ZNF385D: variants seen among roughly 807,000 people sequenced by gnomAD.
ZNF385D encodes the protein zinc finger protein 659.
Under a neutral mutation model 35.8 loss-of-function variants are expected in ZNF385D, and 15 were observed. That is an observed-to-expected ratio of 0.42 (90% CI 0.28 to 0.64). ZNF385D has a LOEUF of 0.64. ZNF385D is among the 30% of genes least tolerant of loss of function. The pLI is 0.23. For missense variants in ZNF385D, 474 were observed against 494.6 expected, an observed-to-expected ratio of 0.96 and a Z score of 0.39; for synonymous variants, 212 against 186.8, an observed-to-expected ratio of 1.13 and a Z score of -1.10.
At chr3:22,186,798 G>T (rs770188350) in intron 2 of ZNF385D, among the ~76,000 whole-genome samples, 1 of 151,964 alleles carries the variant, frequency 6.6e-6, no homozygotes. Flanking sequence ...CACCAATACC[G>T]TATTTGAGAT....
intron 3 of ZNF385D, among the ~76,000 whole-genome samples, chr3:21,775,225 CT>C (rs1254827553): frequency 2.0e-5 from 3 of 151,724 alleles, no homozygotes; most frequent in Non-Finnish European, 2.9e-5. Flanking sequence ...TTCTGTGTCA[CT>C]TATGTTTCCT....
At chr3:22,315,560 A>G (rs1023249169) in intron 2 of ZNF385D, among the ~76,000 whole-genome samples, 1 of 152,112 alleles carries the variant, frequency 6.6e-6, no homozygotes, top group Non-Finnish European at 1.5e-5. Flanking sequence ...GCTGGGGAAA[A>G]CATAAATTCA....
At chr3:21,842,083 T>C (rs1319859528) in intron 3 of ZNF385D, among the ~76,000 whole-genome samples, 1 of 151,952 alleles carries the variant, frequency 6.6e-6, no homozygotes, top group Non-Finnish European at 1.5e-5. Flanking sequence ...TTTTGTTAAA[T>C]TTAAAACTAT....
chr3:21,893,619 G>A (rs9826135), intron 3 of ZNF385D, among the ~76,000 whole-genome samples: 9 of 151,954 alleles, frequency 5.9e-5, no homozygotes, highest in Non-Finnish European at 1.3e-4. Flanking sequence ...ATCAGTTATC[G>A]TTAGAAGTTC....
At chr3:22,360,128 C>A (rs1696347899) in intron 2 of ZNF385D, among the ~76,000 whole-genome samples, 1 of 151,940 alleles carries the variant, frequency 6.6e-6, no homozygotes, top group South Asian at 2.1e-4. Context: ...GGAAAGTATT[C>A]ACAGTTTAAT....
intron 1 of ZNF385D, among the ~76,000 whole-genome samples, chr3:21,696,190 G>T (rs1383560346): frequency 6.6e-6 from 1 of 152,188 alleles, no homozygotes; most frequent in Non-Finnish European, 1.5e-5. Context: ...TGATCAGTCA[G>T]GATGTTTAAA....
chr3:21,595,178 C>T (rs1442980077), intron 2 of ZNF385D, among the ~76,000 whole-genome samples: 1 of 152,116 alleles, frequency 6.6e-6, no homozygotes, highest in Admixed American at 6.5e-5. Context: ...CCCAGTATTT[C>T]TCCCAGGGAC....
Position 21,940,335 on chromosome 3 carries a change from T to G in ZNF385D, c.325+228482A>C, listed in dbSNP as rs143722796. 7.8e-3 allele frequency among the ~76,000 whole-genome samples: 1,191 copies of G among 152,282 alleles called. 7 individuals are homozygous for G. The highest frequency in any genetic ancestry group is 0.013 in the Non-Finnish European group (856 of 68,018). On this transcript the variant is annotated intron_variant, in intron 3 of 5. Coordinates refer to the ZNF385D transcript ENST00000494108. ...CCCAGTTCACCCATTTAGTGGCAAGTTGCTTACTCCCCATGTATCTCACGT... is the reference window on the plus strand; with the variant it reads ...CCCAGTTCACCCATTTAGTGGCAAGGTGCTTACTCCCCATGTATCTCACGT...
At chr3:22,081,430 T>C (rs141383505) in intron 3 of ZNF385D, among the ~76,000 whole-genome samples, 2,227 of 152,302 alleles carry the variant, frequency 0.015, 31 homozygotes, top group Middle Eastern at 0.034. Flanking sequence ...AACACACATA[T>C]ACTGTAAGCA....
chr3:22,286,014 T>G (rs183043573), intron 2 of ZNF385D, among the ~76,000 whole-genome samples: 8 of 152,258 alleles, frequency 5.3e-5, no homozygotes, highest in Admixed American at 2.0e-4. Flanking sequence ...AAATTTATTT[T>G]CTTGTAAAGC....
intron 3 of ZNF385D, among the ~76,000 whole-genome samples, chr3:22,128,506 C>T (rs985859024): frequency 2.6e-5 from 4 of 152,032 alleles, no homozygotes; most frequent in African/African-American, 7.2e-5. Context: ...AGATCAATAA[C>T]TCTTATGTTT....
chr3:22,283,089 G>T (rs960348657), intron 2 of ZNF385D, among the ~76,000 whole-genome samples: 1 of 151,892 alleles, frequency 6.6e-6, no homozygotes, highest in Non-Finnish European at 1.5e-5. Flanking sequence ...AAGACAAAGA[G>T]GGACCTTATA....
intron 2 of ZNF385D, among the ~76,000 whole-genome samples, chr3:21,578,439 CT>C (rs1559425479): frequency 6.6e-6 from 1 of 151,998 alleles, no homozygotes; most frequent in East Asian, 1.9e-4. Context: ...ATGTTTACTT[CT>C]AATAGAGTTA....
At chr3:21,874,051 T>C (rs1679509550) in intron 3 of ZNF385D, among the ~76,000 whole-genome samples, 1 of 152,046 alleles carries the variant, frequency 6.6e-6, no homozygotes, top group Non-Finnish European at 1.5e-5. Context: ...TTTTTAACTA[T>C]TTTGGTGAAA....
intron 2 of ZNF385D, among the ~76,000 whole-genome samples, chr3:22,174,327 C>T (rs191990912): frequency 6.6e-6 from 1 of 152,050 alleles, no homozygotes; most frequent in Admixed American, 6.6e-5. Context: ...GTCAAAGTGG[C>T]AAACCTCTAA....
chr3:21,709,203 A>C (rs749175365), intron 1 of ZNF385D, among the ~76,000 whole-genome samples: 18 of 152,138 alleles, frequency 1.2e-4, no homozygotes, highest in Non-Finnish European at 2.5e-4. Flanking sequence ...CTCCTTCAGG[A>C]TCTCACGTTC....
At chr3:21,979,252 A>AG (rs1324269709) in intron 3 of ZNF385D, among the ~76,000 whole-genome samples, 2 of 152,178 alleles carry the variant, frequency 1.3e-5, no homozygotes, top group East Asian at 3.8e-4. Context: ...ACCAAACAGA[A>AG]GGGGGAAAAA....
chr3:22,063,589 T>G (rs926104315), intron 3 of ZNF385D, among the ~76,000 whole-genome samples: 4 of 152,190 alleles, frequency 2.6e-5, no homozygotes, highest in Non-Finnish European at 5.9e-5. Context: ...AAAATAACCC[T>G]AATGATATGG....
chr3:21,672,357 C>T (rs946003731), intron 1 of ZNF385D, among the ~76,000 whole-genome samples: 7 of 151,716 alleles, frequency 4.6e-5, no homozygotes, highest in African/African-American at 1.2e-4. Context: ...TATAAAGCTC[C>T]TCATTGACCT....
Sources: allele counts gnomAD v4.1 joint callset (sites outside exome capture counted in the v4.1 genomes callset), GRCh38; gene constraint gnomAD v4.1.1; transcripts MANE v1.5; gene names NCBI Gene and HGNC (gene_info 2026-07-23, HGNC 2026-07-21).